The following TDRD12 variants were observed in gnomAD, a reference collection of about 807,000 sequenced individuals.
TDRD12 encodes tudor domain containing 12, also known as putative ATP-dependent RNA helicase TDRD12.
Under a neutral mutation model 133.5 loss-of-function variants are expected in TDRD12, and 158 were observed. The ratio of observed to expected loss-of-function variants is 1.18; its 90% CI spans 1.04 to 1.35. The LOEUF (loss-of-function observed/expected upper bound fraction) is 1.35. Among genes scored for constraint, TDRD12 ranks in the 40% most tolerant of loss-of-function variants. The probability of loss-of-function intolerance (pLI) is 0.00; values close to 1 mark genes in which losing one functional copy is unlikely to be tolerated. For synonymous variants in TDRD12, 460 were observed against 477.9 expected, an observed-to-expected ratio of 0.96 and a Z score of 0.49; for missense variants, 1,443 against 1,321.3, an observed-to-expected ratio of 1.09 and a Z score of -1.43.
intron 11 of TDRD12, among the ~76,000 whole-genome samples, chr19:32,778,022 T>C (rs1970658052): frequency 1.3e-5 from 2 of 151,258 alleles, no homozygotes; most frequent in Non-Finnish European, 2.9e-5. Context: ...ATGCCATTTT[T>C]ATACTTTTTA....
intron 19 of TDRD12, 60 bp downstream of exon 19, chr19:32,801,933 T>C (rs1971401151): frequency 5.3e-6 from 3 of 562,978 alleles, no homozygotes; most frequent in African/African-American, 3.9e-5. Context: ...AATTCTATCT[T>C]TAATTCATTT....
chr19:32,722,354 G>T (rs1382256870), intron 1 of TDRD12, among the ~76,000 whole-genome samples: 3 of 151,998 alleles, frequency 2.0e-5, no homozygotes, highest in African/African-American at 7.3e-5. Context: ...TTGGGCCCAG[G>T]AACTCTTTCA....
In TDRD12 at chr19:32,816,227, G is replaced by A. The variant is rs111934414; in HGVS notation, c.3314+607G>A. Among the ~76,000 whole-genome samples the A allele has an allele frequency of 9.1e-3, 1,381 of 152,232 alleles. 17 individuals carry two copies. Among genetic ancestry groups the A allele is most frequent in the African/African-American group, 0.03 (1,240 of 41,538 alleles). On this transcript the variant is annotated intron_variant, in intron 26 of 27. Transcript: ENST00000444215. ...AAATAACGCACACACAGAAAAGTGC[G>A]CACATCAGACGTGATGTGTTTCCTG...
downstream of TDRD12, among the ~76,000 whole-genome samples, chr19:32,822,217 G>T (rs539838827): frequency 6.6e-6 from 1 of 152,240 alleles, no homozygotes; most frequent in African/African-American, 2.4e-5. Flanking sequence ...ATCACTTGAG[G>T]TCAGGAGTTT....
intron 3 of TDRD12, among the ~76,000 whole-genome samples, chr19:32,742,002 A>C (rs1969442507): frequency 1.3e-5 from 2 of 152,232 alleles, no homozygotes; most frequent in African/African-American, 2.4e-5. Context: ...CAAAGTTGGC[A>C]AATACTAATT....
intron 21 of TDRD12, among the ~76,000 whole-genome samples, chr19:32,806,821 G>T (rs994425901): frequency 1.3e-5 from 2 of 151,280 alleles, no homozygotes; most frequent in East Asian, 3.9e-4. Context: ...GCCACCATGC[G>T]CAGCTAATTT....
exon 1 of TDRD12, chr19:32,720,066 C>T: frequency 6.5e-7 from 1 of 1,548,544 alleles, no homozygotes. Context: ...CCTCGGGCGC[C>T]AGGAGGATGC....
chr19:32,739,604 A>G lies in TDRD12; in HGVS notation c.320+612A>G, dbSNP rs1291256353. Among the ~76,000 whole-genome samples, 5 of 136,084 alleles carry G rather than the reference A, an allele frequency of 3.7e-5. No individual in the cohort carries two copies. The Admixed American group carries it at 3.8e-4, about 10-fold the overall frequency. 89.3% of individuals were successfully genotyped at this position (136,084 alleles called of 152,430 possible). A position where few individuals can be genotyped will look rare whatever the true frequency, so the allele number is the denominator to read the frequency against. On this transcript the variant is annotated intron_variant, in intron 3 of 27. Transcript: ENST00000444215. ...TCTGCATCTCCTGGCTGCTGTCTGC[A>G]TCTCCTGGGTGCTGTCTGCATCTCC...
In TDRD12 at chr19:32,720,209, C is replaced by A. The variant is rs575287991; in HGVS notation, c.24+113C>A. ...GCTCCGCACAGCTTCCTACACCCAC[C>A]GCAGCCCCGCACAGCCTCCCACCCC... is the stretch of plus-strand genomic sequence containing the variant. On this transcript the variant is annotated intron_variant, in intron 1 of 27. Coordinates refer to ENST00000444215, the Ensembl canonical transcript of TDRD12. 22 of 1,241,820 alleles carry A rather than the reference C, an allele frequency of 1.8e-5. No homozygotes were observed. In the South Asian group the frequency reaches 2.9e-4, roughly 16 times the overall value. 76.9% of individuals were successfully genotyped at this position (1,241,820 alleles called of 1,614,324 possible).
chr19:32,750,573 A>G (rs1225883974), intron 6 of TDRD12, among the ~76,000 whole-genome samples: 2 of 152,330 alleles, frequency 1.3e-5, no homozygotes, highest in South Asian at 2.1e-4. Flanking sequence ...GAAAAGTAAC[A>G]TTGATAAAAT....
At chr19:32,816,595 C>T (rs879522514) in intron 26 of TDRD12, among the ~76,000 whole-genome samples, 3 of 152,192 alleles carry the variant, frequency 2.0e-5, no homozygotes, top group Non-Finnish European at 4.4e-5. Flanking sequence ...TTAAACATTA[C>T]CGTACATGTC....
At chr19:32,791,969 T>G (rs1599591971) in intron 13 of TDRD12, among the ~76,000 whole-genome samples, 1 of 148,500 alleles carries the variant, frequency 6.7e-6, no homozygotes, top group Admixed American at 6.7e-5. Context: ...AAGACCAGGC[T>G]GGGTGCATTG....
rs1305879579 is a variant in TDRD12 at position 32,738,925 on chromosome 19, G to A, written c.253G>A (p.Ala85Thr). 9 of 1,551,192 alleles carry A rather than the reference G, an allele frequency of 5.8e-6. No homozygotes were observed. The highest frequency in any genetic ancestry group is 1.8e-4 in the Middle Eastern group (1 of 5,634). Reference sequence around the variant, plus strand: ...CATTGTCAAATCAATTACGTCTTCCGCAGACCAGTACCTGGCAGAATGTTT... The same window carrying A: ...CATTGTCAAATCAATTACGTCTTCCACAGACCAGTACCTGGCAGAATGTTT... The change falls in exon 3 of 28, where the codon GCA (alanine) becomes ACA (threonine). Residue 85 changes from alanine (A) to threonine (T), a missense_variant. Ala to Thr is a moderately conservative substitution (Grantham distance 58). Transcript: ENST00000444215.
At chr19:32,804,819 G>A (rs1971497373) in intron 21 of TDRD12, among the ~76,000 whole-genome samples, 1 of 151,932 alleles carries the variant, frequency 6.6e-6, no homozygotes, top group Non-Finnish European at 1.5e-5. Flanking sequence ...TCGCGCCACT[G>A]CACTCCAGAC....
At chr19:32,726,721 A>G (rs1376643942) in intron 1 of TDRD12, among the ~76,000 whole-genome samples, 1 of 152,044 alleles carries the variant, frequency 6.6e-6, no homozygotes, top group African/African-American at 2.4e-5. Context: ...TGGGCAATAT[A>G]GCAAGACCCT....
chr19:32,811,404 T>C, exon 24 of TDRD12: 3 of 1,536,088 alleles, frequency 2.0e-6, no homozygotes, highest in Non-Finnish European at 2.6e-6. Context: ...GACAACGAAA[T>C]AGAATGGAAT....
intron 10 of TDRD12, among the ~76,000 whole-genome samples, chr19:32,773,770 C>G (rs2145603320): frequency 6.6e-6 from 1 of 152,248 alleles, no homozygotes; most frequent in Non-Finnish European, 1.5e-5. Flanking sequence ...ATACAGTGTT[C>G]TATAAGATTG....
At chr19:32,754,255 G>A (rs1489053894) in intron 6 of TDRD12, among the ~76,000 whole-genome samples, 1 of 152,152 alleles carries the variant, frequency 6.6e-6, no homozygotes, top group Non-Finnish European at 1.5e-5. Flanking sequence ...GATTGCTTGA[G>A]CTCCGGAGTT....
At chr19:32,790,884 T>C in intron 12 of TDRD12, 80 bp from the exon 13 acceptor site, 2 of 1,485,720 alleles carry the variant, frequency 1.3e-6, no homozygotes, top group Non-Finnish European at 1.8e-6. Context: ...CTATATTTTC[T>C]TCATTTCTGT....
Sources: allele counts gnomAD v4.1 joint callset (sites outside exome capture counted in the v4.1 genomes callset), GRCh38; gene constraint gnomAD v4.1.1; transcripts MANE v1.5; gene names NCBI Gene and HGNC (gene_info 2026-07-23, HGNC 2026-07-21).